SAMD5: variants seen among roughly 807,000 people sequenced by gnomAD.
SAMD5 encodes sterile alpha motif domain-containing protein 5.
Under a neutral mutation model 11.3 loss-of-function variants are expected in SAMD5, and 13 were observed. The ratio of observed to expected loss-of-function variants is 1.15; its 90% confidence interval spans 0.75 to 1.83. The LOEUF is 1.83. Ranked by LOEUF, SAMD5 falls within the 40% of genes most tolerant of loss-of-function variation. The pLI is 0.00. For synonymous variants in SAMD5, 129 were observed against 111.3 expected, an observed-to-expected ratio of 1.16 and a Z score of -1.00; for missense variants, 255 against 239.1, an observed-to-expected ratio of 1.07 and a Z score of -0.44.
the SAMD5 span, among the ~76,000 whole-genome samples, chr6:147,877,162 G>A: frequency 6.6e-6 from 1 of 152,076 alleles, no homozygotes; most frequent in Non-Finnish European, 1.5e-5. Context: ...CAGTCCAAGT[G>A]AAATCCTAGT....
intron 1 of SAMD5, among the ~76,000 whole-genome samples, chr6:147,640,797 C>G (rs1452768108): frequency 6.6e-6 from 1 of 152,184 alleles, no homozygotes; most frequent in Non-Finnish European, 1.5e-5. Flanking sequence ...CAAACAGCCA[C>G]AGGCTTTGCA....
At chr6:147,753,921 A>G in the SAMD5 span, among the ~76,000 whole-genome samples, 3 of 152,194 alleles carry the variant, frequency 2.0e-5, no homozygotes, top group Non-Finnish European at 2.9e-5. Context: ...TCCATTGTGT[A>G]TATGTACCAC....
chr6:147,731,082 ATGT>A (rs1203814478), intron 1 of SAMD5, among the ~76,000 whole-genome samples: 4 of 152,030 alleles, frequency 2.6e-5, no homozygotes, highest in African/African-American at 9.7e-5. Context: ...TATGAGGGAG[ATGT>A]TATTATTATT....
At chr6:147,554,921 C>T (rs1353082182) in intron 1 of SAMD5, among the ~76,000 whole-genome samples, 1 of 152,128 alleles carries the variant, frequency 6.6e-6, no homozygotes, top group African/African-American at 2.4e-5. Context: ...ATAATTATTG[C>T]ATAACAATAC....
At chr6:147,947,240 A>G in the SAMD5 span, among the ~76,000 whole-genome samples, 1 of 152,202 alleles carries the variant, frequency 6.6e-6, no homozygotes, top group African/African-American at 2.4e-5. Flanking sequence ...GGATGGAATT[A>G]GCTCACAAGA....
chr6:147,553,607 C>T (rs1169971205), intron 1 of SAMD5, among the ~76,000 whole-genome samples: 2 of 152,184 alleles, frequency 1.3e-5, no homozygotes, highest in Admixed American at 1.3e-4. Flanking sequence ...TAAACCTTCC[C>T]CTAGGAATTG....
chr6:147,758,949 G>A, the SAMD5 span, among the ~76,000 whole-genome samples: 2 of 152,106 alleles, frequency 1.3e-5, no homozygotes, highest in African/African-American at 4.8e-5. Context: ...AATACTTTTA[G>A]TTTCACTCGA....
At chr6:147,834,892 T>C in the SAMD5 span, among the ~76,000 whole-genome samples, 1 of 152,130 alleles carries the variant, frequency 6.6e-6, no homozygotes, top group Non-Finnish European at 1.5e-5. Context: ...AAGTATGTAA[T>C]TAAATGTAAA....
the SAMD5 span, among the ~76,000 whole-genome samples, chr6:147,830,167 G>A: frequency 6.6e-6 from 1 of 151,092 alleles, no homozygotes; most frequent in Admixed American, 6.6e-5. Context: ...TAGAATTGGA[G>A]AGAAAGAATA....
chr6:147,684,540 C>A (rs1206456244), intron 1 of SAMD5, among the ~76,000 whole-genome samples: 3 of 152,062 alleles, frequency 2.0e-5, no homozygotes, highest in Non-Finnish European at 4.4e-5. Flanking sequence ...CTAAATACTT[C>A]CAAAGTATTT....
intron 1 of SAMD5, among the ~76,000 whole-genome samples, chr6:147,680,891 A>AT (rs1473045440): frequency 6.6e-6 from 1 of 152,092 alleles, no homozygotes; most frequent in African/African-American, 2.4e-5. Context: ...ACTGGATTTG[A>AT]TTAGCTAAAG....
chr6:147,870,242 C>T, the SAMD5 span, among the ~76,000 whole-genome samples: 10 of 151,860 alleles, frequency 6.6e-5, no homozygotes, highest in Admixed American at 6.6e-5. Context: ...GCATCTAGCA[C>T]GGTGCTGGGA....
the SAMD5 span, among the ~76,000 whole-genome samples, chr6:147,897,175 A>G: frequency 6.6e-6 from 1 of 152,236 alleles, no homozygotes; most frequent in Non-Finnish European, 1.5e-5. Flanking sequence ...GAATTATGGC[A>G]CAATAAAGCT....
the SAMD5 span, among the ~76,000 whole-genome samples, chr6:147,766,519 A>G: frequency 3.3e-5 from 5 of 152,238 alleles, no homozygotes; most frequent in African/African-American, 4.8e-5. Flanking sequence ...GGATAAAAGA[A>G]AATTTAAAAA....
chr6:147,729,779 G>C (rs1791682265), intron 1 of SAMD5: 1 of 457,036 alleles, frequency 2.2e-6, no homozygotes, highest in Admixed American at 2.3e-5. Context: ...TGATGTGCCT[G>C]ATGTGTTCAA....
Position 147,534,495 on chromosome 6 carries a change from C to T in SAMD5, c.459+25108C>T, listed in dbSNP as rs1459370880. ...GGAGAAAGAGTAATTCACACAGAGC[C>T]GGCTGTGCGGGAGACCAGAGTTTTA... On this transcript the variant is annotated intron_variant, in intron 1 of 1. Transcript: ENST00000367474. Among the ~76,000 whole-genome samples the T allele has an allele frequency of 7.9e-5, 12 of 152,126 alleles. No homozygotes were observed. The South Asian group carries it at 1.5e-3, about 18-fold the overall frequency.
the SAMD5 span, among the ~76,000 whole-genome samples, chr6:147,943,753 C>G: frequency 6.6e-6 from 1 of 152,204 alleles, no homozygotes; most frequent in African/African-American, 2.4e-5. Context: ...GGACTACAGC[C>G]TTTTTTCAGA....
At chr6:147,875,043 A>G in the SAMD5 span, among the ~76,000 whole-genome samples, 1 of 152,098 alleles carries the variant, frequency 6.6e-6, no homozygotes, top group African/African-American at 2.4e-5. Context: ...TCATTTACTT[A>G]CCTTTTAAGT....
the SAMD5 span, among the ~76,000 whole-genome samples, chr6:147,760,401 A>G: frequency 6.6e-6 from 1 of 152,166 alleles, no homozygotes; most frequent in East Asian, 1.9e-4. Flanking sequence ...ATGACCCATT[A>G]TTTGGTAAGG....
Sources: allele counts gnomAD v4.1 joint callset (sites outside exome capture counted in the v4.1 genomes callset), GRCh38; gene constraint gnomAD v4.1.1; transcripts MANE v1.5; gene names NCBI Gene and HGNC (gene_info 2026-07-23, HGNC 2026-07-21).